BAZ2B: variants seen among roughly 807,000 people sequenced by gnomAD.
BAZ2B encodes bromodomain adjacent to zinc finger domain protein 2B.
In BAZ2B, 91 loss-of-function variants were observed where a neutral mutation model predicts 246.0. The ratio of observed to expected loss-of-function variants is 0.37; its 90% CI spans 0.31 to 0.44. The LOEUF (loss-of-function observed/expected upper bound fraction) is 0.44. Among genes scored for constraint, BAZ2B ranks in the 20% least tolerant of loss-of-function variants. The pLI, the probability that BAZ2B is intolerant of heterozygous loss-of-function variation, is 1.00. For missense variants in BAZ2B, 2,332 were observed against 2,533.7 expected, an observed-to-expected ratio of 0.92 and a Z score of 1.71; for synonymous variants, 855 against 860.0, an observed-to-expected ratio of 0.99 and a Z score of 0.10.
intron 2 of BAZ2B, among the ~76,000 whole-genome samples, chr2:159,513,324 A>G (rs796437670): frequency 6.6e-6 from 1 of 152,234 alleles, no homozygotes; most frequent in African/African-American, 2.4e-5. Flanking sequence ...GATAATGCCA[A>G]GATTCATTCA....
intron 1 of BAZ2B, among the ~76,000 whole-genome samples, chr2:159,596,675 C>G (rs913322014): frequency 7.9e-5 from 12 of 152,244 alleles, no homozygotes; most frequent in African/African-American, 2.6e-4. Context: ...ATCCCTCAGC[C>G]CCACTTCCTA....
chr2:159,507,994 C>G (rs1042333088), intron 2 of BAZ2B, among the ~76,000 whole-genome samples: 1 of 152,130 alleles, frequency 6.6e-6, no homozygotes, highest in South Asian at 2.1e-4. Flanking sequence ...CCTCAGTTTC[C>G]CGATTAGCTG....
At chr2:159,387,217 G>A (rs1382307344) in intron 21 of BAZ2B, among the ~76,000 whole-genome samples, 1 of 151,990 alleles carries the variant, frequency 6.6e-6, no homozygotes, top group African/African-American at 2.4e-5. Flanking sequence ...TGCAACTAAA[G>A]GTCTTTAGGT....
intron 1 of BAZ2B, among the ~76,000 whole-genome samples, chr2:159,568,069 A>C (rs1486327310): frequency 6.6e-6 from 1 of 152,208 alleles, no homozygotes; most frequent in Non-Finnish European, 1.5e-5. Flanking sequence ...CAGTGGTTTC[A>C]GTACATTCAC....
At chr2:159,341,681 C>T (rs971762306) in intron 31 of BAZ2B, among the ~76,000 whole-genome samples, 3 of 152,084 alleles carry the variant, frequency 2.0e-5, no homozygotes, top group Non-Finnish European at 2.9e-5. Flanking sequence ...TCTCTGACTA[C>T]ATGGAAATAA....
At position 159,382,592 on chromosome 2, in the gene BAZ2B, T is replaced by C. The variant is rs779753334; in HGVS notation, c.3972A>G (p.Lys1324=). The part of the protein sequence containing the change: ...DDEDEEDKED[K]KGKKTDICED... ...CACAGATATCAGTCTTTTTTCCTTT[T>C]TTGTCTTCTTTATCTTCTTCATCCT... Residue 1324 remains lysine (K), a synonymous_variant, in exon 25 of 37, where the codon AAA becomes AAG. Coordinates refer to ENST00000392783, the MANE Select transcript of BAZ2B (RefSeq NM_013450.4). 3 of 1,552,738 alleles carry C rather than the reference T, an allele frequency of 1.9e-6. No individual in the cohort carries two copies. The highest frequency in any genetic ancestry group is 2.6e-6 in the Non-Finnish European group (3 of 1,147,216).
intron 1 of BAZ2B, among the ~76,000 whole-genome samples, chr2:159,601,055 G>A (rs767821243): frequency 6.6e-6 from 1 of 152,076 alleles, no homozygotes; most frequent in Non-Finnish European, 1.5e-5. Flanking sequence ...TGCTAAAATC[G>A]AAGTTCCACC....
downstream of BAZ2B, among the ~76,000 whole-genome samples, chr2:159,318,537 C>A (rs1338161787): frequency 1.3e-5 from 2 of 152,222 alleles, no homozygotes; most frequent in African/African-American, 2.4e-5. Flanking sequence ...GAAGGCAAGG[C>A]CTGTCTTGTA....
Position 159,369,528 on chromosome 2 carries a change from CAATGATA to C in BAZ2B, c.4213+3510_4213+3516del, listed in dbSNP as rs530639822. Among the ~76,000 whole-genome samples, 112 of 149,182 alleles carry C rather than the reference CAATGATA, an allele frequency of 7.5e-4. 1 individual carries two copies. Among genetic ancestry groups the C allele is most frequent in the African/African-American group, 2.7e-3 (110 of 40,936 alleles). On this transcript the variant is annotated intron_variant, in intron 27 of 36. Coordinates refer to ENST00000392783, the MANE Select transcript of BAZ2B (RefSeq NM_013450.4). ...GGACAGGTGTAATAATCCAGGTATA[CAATGATA>C]AAGAACTGATTTCAGTAGTGTTGCA...
intron 13 of BAZ2B, among the ~76,000 whole-genome samples, chr2:159,425,716 T>C (rs1184981748): frequency 1.3e-5 from 2 of 152,246 alleles, no homozygotes; most frequent in Non-Finnish European, 2.9e-5. Flanking sequence ...CACTGCATGG[T>C]AGCAGTAGCT....
At chr2:159,507,102 A>G (rs1324092668) in intron 2 of BAZ2B, among the ~76,000 whole-genome samples, 1 of 152,202 alleles carries the variant, frequency 6.6e-6, no homozygotes, top group Admixed American at 6.5e-5. Flanking sequence ...TGGGGCCCCA[A>G]AATAAAGTCT....
intron 3 of BAZ2B, among the ~76,000 whole-genome samples, chr2:159,477,096 G>T (rs2078672045): frequency 6.6e-6 from 1 of 152,144 alleles, no homozygotes; most frequent in Admixed American, 6.5e-5. Context: ...ATGAGGTCAG[G>T]ACATCAAGAC....
intron 25 of BAZ2B, among the ~76,000 whole-genome samples, chr2:159,381,829 A>G (rs1328560276): frequency 6.6e-6 from 1 of 152,138 alleles, no homozygotes; most frequent in African/African-American, 2.4e-5. Flanking sequence ...CTTAAAGCAC[A>G]TTGTGGTTTC....
At chr2:159,466,092 C>G (rs1260722355) in intron 3 of BAZ2B, among the ~76,000 whole-genome samples, 1 of 152,158 alleles carries the variant, frequency 6.6e-6, no homozygotes. Flanking sequence ...CCTGATGATT[C>G]TCTACTAAGT....
intron 13 of BAZ2B, among the ~76,000 whole-genome samples, chr2:159,418,232 TTC>T (rs1246489600): frequency 2.0e-5 from 3 of 152,234 alleles, no homozygotes; most frequent in African/African-American, 7.2e-5. Flanking sequence ...AAGAAAATAT[TTC>T]TTTTTAGTGA....
intron 34 of BAZ2B, among the ~76,000 whole-genome samples, chr2:159,329,301 G>C (rs1162870294): frequency 6.6e-6 from 1 of 152,094 alleles, no homozygotes; most frequent in Non-Finnish European, 1.5e-5. Context: ...AAATAATCTA[G>C]AGATGACTTA....
chr2:159,337,234 T>C (rs2065833444), intron 32 of BAZ2B, among the ~76,000 whole-genome samples, 157 bp from the exon 33 acceptor site: 1 of 152,192 alleles, frequency 6.6e-6, no homozygotes, highest in Non-Finnish European at 1.5e-5. Context: ...GTGCACAGAC[T>C]GTGGCTACGT....
chr2:159,452,393 C>T (rs186267307), intron 4 of BAZ2B, among the ~76,000 whole-genome samples: 1 of 152,112 alleles, frequency 6.6e-6, no homozygotes, highest in South Asian at 2.1e-4. Flanking sequence ...TCCTTTAATC[C>T]TCACAAGAAC....
chr2:159,568,220 T>C (rs1360609849), intron 1 of BAZ2B, among the ~76,000 whole-genome samples: 1 of 152,198 alleles, frequency 6.6e-6, no homozygotes, highest in African/African-American at 2.4e-5. Context: ...ATCAGATGTA[T>C]TGCCTAGCTA....
Sources: gnomAD v4.1 joint callset for allele counts (sites outside exome capture counted in the v4.1 genomes callset) on GRCh38, gnomAD v4.1.1 for gene constraint, MANE v1.5 for transcripts, NCBI Gene and HGNC (gene_info 2026-07-23, HGNC 2026-07-21) for gene names.